UMAD1: variants seen among roughly 807,000 people sequenced by gnomAD.
The protein encoded by UMAD1 is UBAP1-MVB12-associated (UMA)-domain containing protein 1.
A neutral mutation model predicts 6.1 loss-of-function variants in UMAD1; 8 were observed. The ratio of observed to expected loss-of-function variants is 1.30; its 90% confidence interval spans 0.76 to 2.35. UMAD1 has a LOEUF of 2.35. Ranked by LOEUF, UMAD1 falls within the 30% of genes most tolerant of loss-of-function variation. The pLI, the probability that UMAD1 is intolerant of heterozygous loss-of-function variation, is 0.00. For missense variants in UMAD1, 130 were observed against 78.4 expected (o/e 1.66, Z -2.49); for synonymous variants, 56 against 31.4 (o/e 1.78, Z -2.61).
At chr7:7,865,047 A>T (rs138458432) in intron 3 of UMAD1, among the ~76,000 whole-genome samples, 1 of 152,198 alleles carries the variant, frequency 6.6e-6, no homozygotes, top group Non-Finnish European at 1.5e-5. Flanking sequence ...ATCTTGCCCT[A>T]TGCATCTCTT....
chr7:7,816,848 A>C (rs1010662439), intron 3 of UMAD1, among the ~76,000 whole-genome samples: 14 of 152,256 alleles, frequency 9.2e-5, no homozygotes, highest in Admixed American at 9.2e-4. Context: ...TATTACAAAG[A>C]GTTTTTGTAA....
chr7:7,778,265 TGTGTGTGTGTGAGAGA>T (rs1470008828), intron 2 of UMAD1, among the ~76,000 whole-genome samples: 2 of 109,400 alleles, frequency 1.8e-5, no homozygotes, highest in African/African-American at 6.2e-5. Flanking sequence ...TGTGTGTGTG[TGTGTGTGTGTGAGAGA>T]GAGAGAGAGA....
At chr7:7,743,027 T>C (rs1440681008) in intron 2 of UMAD1, among the ~76,000 whole-genome samples, 2 of 152,224 alleles carry the variant, frequency 1.3e-5, no homozygotes, top group Admixed American at 6.5e-5. Context: ...TGTGTATATA[T>C]GTGTTTACAT....
At position 7,778,265 on chromosome 7, in the gene UMAD1, T is replaced by TGA. The variant is rs1312767168; in HGVS notation, c.83-23404_83-23403insAG. On this transcript the variant is annotated intron_variant, in intron 2 of 3. Coordinates refer to ENST00000682710, the MANE Select transcript of UMAD1 (RefSeq NM_001302348.2). Reference sequence around the variant, plus strand: ...GTGTGTGTGTGTGTGTGTGTGTGTGTGTGTGTGTGTGAGAGAGAGAGAGAG... The same window carrying TGA: ...GTGTGTGTGTGTGTGTGTGTGTGTGTGAGTGTGTGTGTGAGAGAGAGAGAGAG... Among the ~76,000 whole-genome samples the TGA allele has an allele frequency of 6.7e-3, 730 of 109,298 alleles. 10 individuals carry two copies. The highest frequency in any genetic ancestry group is 0.057 in the East Asian group (214 of 3,722). 71.7% of individuals were successfully genotyped at this position (109,298 alleles called of 152,430 possible).
At chr7:7,698,546 T>TTTTTC (rs1318687623) in intron 2 of UMAD1, among the ~76,000 whole-genome samples, 1 of 152,210 alleles carries the variant, frequency 6.6e-6, no homozygotes, top group African/African-American at 2.4e-5. Flanking sequence ...TCTAAATGTT[T>TTTTTC]TTTTCTTTTC....
chr7:7,843,419 T>TA (rs1783720747), intron 3 of UMAD1, among the ~76,000 whole-genome samples: 2 of 152,202 alleles, frequency 1.3e-5, no homozygotes, highest in South Asian at 4.1e-4. Flanking sequence ...TGTTAGAACT[T>TA]AGAGTACTGT....
At chr7:7,676,230 C>A in intron 2 of UMAD1, 1 of 398,618 alleles carries the variant, frequency 2.5e-6, no homozygotes, top group South Asian at 1.3e-4. Context: ...TTCCCAGTAC[C>A]ACTTAGCATA....
intron 2 of UMAD1, among the ~76,000 whole-genome samples, chr7:7,755,451 C>G (rs998811477): frequency 1.3e-5 from 2 of 152,168 alleles, no homozygotes; most frequent in African/African-American, 4.8e-5. Flanking sequence ...AATTTGTTGC[C>G]TCTTTCTTGC....
At chr7:7,873,020 T>C (rs1784358800) in intron 3 of UMAD1, among the ~76,000 whole-genome samples, 2 of 152,230 alleles carry the variant, frequency 1.3e-5, no homozygotes, top group African/African-American at 4.8e-5. Flanking sequence ...ATTTCTAAAA[T>C]GTTATTTATT....
In UMAD1 at chr7:7,744,481, T is replaced by C. The variant is rs140830899; in HGVS notation, c.83-57189T>C. 5.6e-3 allele frequency among the ~76,000 whole-genome samples: 854 copies of C among 152,272 alleles called. 13 individuals carry two copies. Among genetic ancestry groups the C allele is most frequent in the African/African-American group, 0.02 (813 of 41,554 alleles). On this transcript the variant is annotated intron_variant, in intron 2 of 3. Transcript: ENST00000682710. ...TATATGGCAGTCCTATGTTTAACCA[T>C]TCGAGGAATTGCCAGACAATTTTTC...
At chr7:7,773,253 C>T (rs1161489023) in intron 2 of UMAD1, among the ~76,000 whole-genome samples, 2 of 152,156 alleles carry the variant, frequency 1.3e-5, no homozygotes, top group East Asian at 3.8e-4. Context: ...CTGCTTTGTA[C>T]ACAAGTTGCA....
chr7:7,740,998 A>G (rs182238775), intron 2 of UMAD1: 2 of 152,330 alleles, frequency 1.3e-5, no homozygotes, highest in African/African-American at 4.8e-5. Context: ...TAATGTTGAA[A>G]TTAGGAATTC....
chr7:7,668,257 C>G (rs2115101205), intron 1 of UMAD1, among the ~76,000 whole-genome samples: 1 of 152,174 alleles, frequency 6.6e-6, no homozygotes, highest in South Asian at 2.1e-4. Flanking sequence ...ATTGTGTATA[C>G]CTGTGGGGCT....
At chr7:7,823,643 A>G (rs1783285698) in intron 3 of UMAD1, among the ~76,000 whole-genome samples, 1 of 152,168 alleles carries the variant, frequency 6.6e-6, no homozygotes. Context: ...ATTTTTTAAA[A>G]AAGAGAAAAT....
chr7:7,795,821 C>G (rs1319073904), intron 2 of UMAD1, among the ~76,000 whole-genome samples: 1 of 152,194 alleles, frequency 6.6e-6, no homozygotes, highest in Non-Finnish European at 1.5e-5. Flanking sequence ...CCAGAGGCCA[C>G]TTTCATCACC....
intron 2 of UMAD1, among the ~76,000 whole-genome samples, chr7:7,789,375 G>T (rs963072166): frequency 6.8e-6 from 1 of 146,152 alleles, no homozygotes; most frequent in African/African-American, 2.8e-5. Flanking sequence ...TATAACATCT[G>T]TATGAAAACA....
intron 2 of UMAD1, among the ~76,000 whole-genome samples, chr7:7,676,971 T>TGAGACAA (rs1779757367): frequency 6.6e-6 from 1 of 152,172 alleles, no homozygotes; most frequent in Non-Finnish European, 1.5e-5. Context: ...TAATATCTAC[T>TGAGACAA]TTAGTCTCAG....
intron 3 of UMAD1, among the ~76,000 whole-genome samples, chr7:7,807,375 A>G (rs1673513928): frequency 6.6e-6 from 1 of 152,134 alleles, no homozygotes; most frequent in Admixed American, 6.5e-5. Context: ...GCAAATCCTA[A>G]TGTGAAATTG....
intron 3 of UMAD1, among the ~76,000 whole-genome samples, chr7:7,807,123 A>T (rs1270347169): frequency 6.6e-6 from 1 of 152,158 alleles, no homozygotes; most frequent in East Asian, 1.9e-4. Context: ...TTTGTGGAAA[A>T]TTTAGCAAAT....
Sources: gnomAD v4.1 joint callset for allele counts (sites outside exome capture counted in the v4.1 genomes callset) on GRCh38, gnomAD v4.1.1 for gene constraint, MANE v1.5 for transcripts, NCBI Gene and HGNC (gene_info 2026-07-23, HGNC 2026-07-21) for gene names.